NPFFR2: variants seen among roughly 807,000 people sequenced by gnomAD.
NPFFR2 encodes the protein G-protein coupled receptor 74.
Under a neutral mutation model 13.1 loss-of-function variants are expected in NPFFR2, and 15 were observed. The observed-to-expected ratio is 1.15, with a 90% confidence interval of 0.77 to 1.76. The LOEUF is 1.76. NPFFR2 is among the 40% of genes most tolerant of loss of function. The pLI, the probability that NPFFR2 is intolerant of heterozygous loss-of-function variation, is 0.00. For missense variants in NPFFR2, 572 were observed against 503.5 expected (o/e 1.14, Z -1.30); for synonymous variants, 190 against 175.7 (o/e 1.08, Z -0.65).
intron 3 of NPFFR2, among the ~76,000 whole-genome samples, chr4:72,138,745 A>G (rs1722501232): frequency 6.6e-6 from 1 of 152,100 alleles, no homozygotes; most frequent in African/African-American, 2.4e-5. Context: ...TCTTTATAGT[A>G]GCATGCTTTA....
intron 1 of NPFFR2, among the ~76,000 whole-genome samples, chr4:72,112,160 C>G (rs1721583980): frequency 6.6e-6 from 1 of 151,940 alleles, no homozygotes; most frequent in Non-Finnish European, 1.5e-5. Flanking sequence ...TAAGTACTTT[C>G]CATTTTGAAT....
At chr4:72,094,897 C>A (rs1021138195) in intron 1 of NPFFR2, among the ~76,000 whole-genome samples, 4 of 152,214 alleles carry the variant, frequency 2.6e-5, no homozygotes, top group African/African-American at 9.7e-5. Context: ...TGGGTCTCCA[C>A]ACACTGTCCT....
intron 1 of NPFFR2, among the ~76,000 whole-genome samples, chr4:72,100,266 G>T (rs1349959302): frequency 6.6e-6 from 1 of 151,904 alleles, no homozygotes; most frequent in Admixed American, 6.6e-5. Flanking sequence ...AAGAACTCAA[G>T]AATTGTAAAA....
At chr4:72,047,512 C>G (rs1719412389) in intron 1 of NPFFR2, among the ~76,000 whole-genome samples, 1 of 152,106 alleles carries the variant, frequency 6.6e-6, no homozygotes, top group African/African-American at 2.4e-5. Context: ...AACCCTTTTC[C>G]AAGTGGGCAT....
intron 2 of NPFFR2, 145 bp from the exon 3 acceptor site, chr4:72,137,895 G>A: frequency 1.6e-6 from 1 of 635,300 alleles, no homozygotes; most frequent in Non-Finnish European, 2.8e-6. Flanking sequence ...GAGATATTAG[G>A]GGAAATACTG....
intron 1 of NPFFR2, among the ~76,000 whole-genome samples, chr4:72,054,239 T>G (rs1428508689): frequency 6.6e-6 from 1 of 151,976 alleles, no homozygotes; most frequent in Non-Finnish European, 1.5e-5. Context: ...ACAGATTTGC[T>G]GTAAACTACA....
chr4:72,081,479 G>T (rs1384078488), intron 1 of NPFFR2, among the ~76,000 whole-genome samples: 3 of 136,072 alleles, frequency 2.2e-5, no homozygotes, highest in African/African-American at 8.0e-5. Flanking sequence ...GCTAATAATT[G>T]ATTTAAGAAT....
intron 1 of NPFFR2, among the ~76,000 whole-genome samples, chr4:72,034,482 T>C (rs932727814): frequency 6.6e-6 from 1 of 152,100 alleles, no homozygotes; most frequent in Non-Finnish European, 1.5e-5. Context: ...GTGGTAGCTG[T>C]CCTCATGATT....
intron 1 of NPFFR2, 38 bp from the exon 2 acceptor site, chr4:72,128,547 C>T: frequency 7.7e-7 from 1 of 1,298,448 alleles, no homozygotes; most frequent in South Asian, 1.4e-5. Context: ...TTACTGGTTC[C>T]TAATTATGTT....
At chr4:72,143,869 T>G (rs1021660497) in intron 3 of NPFFR2, among the ~76,000 whole-genome samples, 2 of 152,204 alleles carry the variant, frequency 1.3e-5, no homozygotes, top group Non-Finnish European at 2.9e-5. Flanking sequence ...TGAGAGTTGA[T>G]GTACTCACCA....
At chr4:72,117,231 C>T (rs1002512051) in intron 1 of NPFFR2, among the ~76,000 whole-genome samples, 1 of 152,164 alleles carries the variant, frequency 6.6e-6, no homozygotes, top group Non-Finnish European at 1.5e-5. Context: ...CTACTGGCCT[C>T]ATTCCTTTCT....
chr4:72,080,257 C>T (rs1289062905), intron 1 of NPFFR2, among the ~76,000 whole-genome samples: 5 of 151,936 alleles, frequency 3.3e-5, no homozygotes, highest in Admixed American at 1.3e-4. Context: ...CTCCACCTCC[C>T]GGGTTCAAGA....
chr4:72,062,385 A>G (rs1022417128), intron 1 of NPFFR2, among the ~76,000 whole-genome samples: 1 of 152,188 alleles, frequency 6.6e-6, no homozygotes, highest in Non-Finnish European at 1.5e-5. Context: ...ACTATAAAGT[A>G]ATAAAACAAA....
intron 1 of NPFFR2, among the ~76,000 whole-genome samples, chr4:72,062,078 A>AT (rs11459755): frequency 0.88 from 131,781 of 148,982 alleles, 59,368 homozygotes; most frequent in Non-Finnish European, 0.98. Context: ...TTGGTACTCA[A>AT]TTTTTTTTTT....
intron 1 of NPFFR2, among the ~76,000 whole-genome samples, chr4:72,095,152 G>T (rs189808535): frequency 6.6e-6 from 1 of 152,162 alleles, no homozygotes; most frequent in African/African-American, 2.4e-5. Flanking sequence ...TTAATTTTCA[G>T]AAGGATAGTA....
At chr4:72,053,702 A>G (rs1037492855) in intron 1 of NPFFR2, among the ~76,000 whole-genome samples, 3 of 151,866 alleles carry the variant, frequency 2.0e-5, no homozygotes, top group Non-Finnish European at 2.9e-5. Flanking sequence ...AGGATTTTCT[A>G]TGTACACAAT....
At chr4:72,045,681 TA>T (rs1474986012) in intron 1 of NPFFR2, among the ~76,000 whole-genome samples, 1 of 152,216 alleles carries the variant, frequency 6.6e-6, no homozygotes, top group Non-Finnish European at 1.5e-5. Flanking sequence ...AAAAATCATC[TA>T]ATACAATACA....
chr4:72,117,439 T>C (rs1721745347), intron 1 of NPFFR2, among the ~76,000 whole-genome samples: 1 of 152,164 alleles, frequency 6.6e-6, no homozygotes, highest in African/African-American at 2.4e-5. Context: ...TCTCATGGTG[T>C]AAATATATCA....
chr4:72,130,125 G>A (rs534376708), intron 2 of NPFFR2, among the ~76,000 whole-genome samples: 2 of 151,826 alleles, frequency 1.3e-5, no homozygotes, highest in East Asian at 3.9e-4. Context: ...ACAAAATGGA[G>A]TCTCCTATGT....
Sources: allele counts gnomAD v4.1 joint callset (sites outside exome capture counted in the v4.1 genomes callset), GRCh38; gene constraint gnomAD v4.1.1; transcripts MANE v1.5; gene names NCBI Gene and HGNC (gene_info 2026-07-23, HGNC 2026-07-21).